Variants in NPR3 observed in about 807,000 individuals in gnomAD.
The protein encoded by NPR3 is natriuretic peptide receptor 3, also known as atrial natriuretic peptide receptor 3.
In NPR3, 34 loss-of-function variants were observed where a neutral mutation model predicts 54.5. The ratio of observed to expected loss-of-function variants is 0.62; its 90% CI spans 0.47 to 0.83. The LOEUF is 0.83. NPR3 is among the 40% of genes least tolerant of loss of function. NPR3 has a pLI of 0.00. For synonymous variants in NPR3, 289 were observed against 297.1 expected (o/e 0.97, Z 0.28); for missense variants, 674 against 720.8 (o/e 0.94, Z 0.74).
At chr5:32,779,660 C>T (rs892293561) in intron 4 of NPR3, among the ~76,000 whole-genome samples, 24 of 152,174 alleles carry the variant, frequency 1.6e-4, no homozygotes, top group Non-Finnish European at 3.1e-4. Flanking sequence ...CTTAGACTTC[C>T]TCCAACATCC....
chr5:32,751,692 C>T (rs1347007862), intron 3 of NPR3, among the ~76,000 whole-genome samples: 1 of 152,104 alleles, frequency 6.6e-6, no homozygotes, highest in African/African-American at 2.4e-5. Flanking sequence ...TGTGTTTGGG[C>T]ATTCCCTCTC....
intron 1 of NPR3, among the ~76,000 whole-genome samples, chr5:32,723,425 T>C (rs1738971138): frequency 6.6e-6 from 1 of 152,188 alleles, no homozygotes; most frequent in South Asian, 2.1e-4. Flanking sequence ...TGAGAGAACA[T>C]GAGAGAGATA....
chr5:32,691,207 G>A (rs1328917127), intron 1 of NPR3, among the ~76,000 whole-genome samples: 2 of 152,202 alleles, frequency 1.3e-5, no homozygotes, highest in Non-Finnish European at 2.9e-5. Flanking sequence ...TATGGCTTGG[G>A]TAAGTGTTAT....
intron 2 of NPR3, among the ~76,000 whole-genome samples, chr5:32,736,426 C>T (rs891926446): frequency 1.3e-5 from 2 of 152,128 alleles, no homozygotes; most frequent in African/African-American, 4.8e-5. Context: ...ACATACAAGT[C>T]TGTAGAGTTA....
At chr5:32,696,548 T>C (rs1266381398) in intron 1 of NPR3, among the ~76,000 whole-genome samples, 1 of 152,132 alleles carries the variant, frequency 6.6e-6, no homozygotes, top group Non-Finnish European at 1.5e-5. Flanking sequence ...AGAATGTCAT[T>C]GGTATTTTGA....
chr5:32,757,349 T>G lies in NPR3; in HGVS notation c.1060-17359T>G, dbSNP rs190445935. On this transcript the variant is annotated intron_variant, in intron 3 of 7. Coordinates refer to ENST00000265074, the MANE Select transcript of NPR3 (RefSeq NM_001204375.2). ...CTTGTAAGTTGGATTCCTAGGTATT[T>G]TATTCTCTTTGAAGCAATTGTGAAT... Among the ~76,000 whole-genome samples the G allele has an allele frequency of 4.3e-3, 656 of 152,320 alleles. 2 individuals carry two copies. Among genetic ancestry groups the G allele is most frequent in the African/African-American group, 0.013 (554 of 41,568 alleles).
chr5:32,703,219 C>T (rs1015123034), intron 1 of NPR3, among the ~76,000 whole-genome samples: 1 of 152,116 alleles, frequency 6.6e-6, no homozygotes, highest in Admixed American at 6.5e-5. Flanking sequence ...CCCTTCAGGG[C>T]ACTGGGCTCC....
intron 3 of NPR3, among the ~76,000 whole-genome samples, chr5:32,766,487 C>G (rs549204064): frequency 7.9e-5 from 12 of 152,248 alleles, no homozygotes; most frequent in African/African-American, 2.4e-4. Flanking sequence ...ATTTTAGGAG[C>G]ATTTCCAATC....
intron 3 of NPR3, among the ~76,000 whole-genome samples, chr5:32,770,670 A>T (rs768887261): frequency 1.3e-4 from 20 of 152,128 alleles, no homozygotes; most frequent in Non-Finnish European, 2.2e-4. Context: ...GAGCCCATCT[A>T]CCTGTTTGTA....
chr5:32,751,923 T>C (rs1000999007), intron 3 of NPR3, among the ~76,000 whole-genome samples: 1 of 152,182 alleles, frequency 6.6e-6, no homozygotes. Context: ...AACTTGGGGC[T>C]GGGTGTGGTG....
intron 2 of NPR3, among the ~76,000 whole-genome samples, chr5:32,731,281 G>A (rs777603467): frequency 9.2e-5 from 14 of 152,176 alleles, no homozygotes; most frequent in Non-Finnish European, 2.9e-5. Context: ...TGGGGTTTCT[G>A]ATTAGATCCT....
In NPR3 at chr5:32,729,103, C is replaced by T. The variant is rs867519150; in HGVS notation, c.892+4283C>T. Among the ~76,000 whole-genome samples, 570 of 136,050 alleles carry T rather than the reference C, an allele frequency of 4.2e-3. 2 individuals are homozygous for T. Among genetic ancestry groups the T allele is most frequent in the African/African-American group, 0.015 (538 of 36,490 alleles). 89.3% of individuals were successfully genotyped at this position (136,050 alleles called of 152,430 possible). On this transcript the variant is annotated intron_variant, in intron 2 of 7. Transcript: ENST00000265074. ...GGAGTGCAGTGGCGGGATCTCGGCT[C>T]ACTGCAAGCTCCGCCTCCCGGGTTC...
rs1442385834 is a variant in NPR3 at position 32,774,755 on chromosome 5, C to T, written c.1107C>T (p.Val369=). ...EGFHDAILLY[V]LALHEVLRAG... is the part of the protein sequence containing the mutation. ...TCCACGATGCCATCCTCCTCTACGT[C>T]TTGGCTCTACATGAAGTACTCAGAG... is the stretch of plus-strand genomic sequence containing the variant. The change falls in exon 4 of 8, where the codon GTC becomes GTT. Residue 369 remains valine, a synonymous_variant. Transcript: ENST00000265074. 6.2e-7 allele frequency: 1 copy of T among 1,606,860 alleles called. No individual in the cohort carries two copies. The highest frequency in any genetic ancestry group is 1.3e-5 in the African/African-American group (1 of 74,874).
rs1166394695 is a variant in NPR3 at position 32,786,705 on chromosome 5, T to C, written c.*360T>C. On this transcript the variant is annotated 3_prime_UTR_variant, in exon 8 of 8. Transcript: ENST00000265074. ...TAAAATGCGGTTTTCTTAAATGAAA[T>C]GTTTTGTAGCTAGAATAAAATCATT... is the stretch of plus-strand genomic sequence containing the variant. The C allele has an allele frequency of 5.0e-6, 1 of 200,014 alleles. No individual in the cohort carries two copies. Among genetic ancestry groups the C allele is most frequent in the Admixed American group, 6.3e-5 (1 of 15,832 alleles). 12.4% of individuals were successfully genotyped at this position (200,014 alleles called of 1,614,324 possible).
chr5:32,701,644 C>T (rs778368398), intron 1 of NPR3, among the ~76,000 whole-genome samples: 2 of 152,170 alleles, frequency 1.3e-5, no homozygotes, highest in African/African-American at 4.8e-5. Flanking sequence ...TCTTTACACA[C>T]ATCCTTCTTG....
At chr5:32,717,041 TC>T (rs1016986333) in intron 1 of NPR3, among the ~76,000 whole-genome samples, 1 of 136,076 alleles carries the variant, frequency 7.3e-6, no homozygotes, top group African/African-American at 2.7e-5. Flanking sequence ...GTGTGATGTT[TC>T]CCGCCCTGTG....
intron 3 of NPR3, among the ~76,000 whole-genome samples, chr5:32,746,016 G>A (rs1740278897): frequency 6.6e-6 from 1 of 152,116 alleles, no homozygotes; most frequent in African/African-American, 2.4e-5. Flanking sequence ...GCATTCTTAT[G>A]CCAGCATGCA....
chr5:32,737,624 A>G (rs143515534), intron 2 of NPR3, among the ~76,000 whole-genome samples: 47 of 152,328 alleles, frequency 3.1e-4, no homozygotes, highest in African/African-American at 1.1e-3. Flanking sequence ...AGGAATCATA[A>G]CAATACTTCG....
chr5:32,699,470 AC>A (rs1378343343), intron 1 of NPR3, among the ~76,000 whole-genome samples: 2 of 151,064 alleles, frequency 1.3e-5, no homozygotes, highest in African/African-American at 4.9e-5. Context: ...TCATCCCCTA[AC>A]CCCCTGACTG....
Sources: allele counts gnomAD v4.1 joint callset (sites outside exome capture counted in the v4.1 genomes callset), GRCh38; gene constraint gnomAD v4.1.1; transcripts MANE v1.5; gene names NCBI Gene and HGNC (gene_info 2026-07-23, HGNC 2026-07-21).